The following ANGPT2 variants were observed in gnomAD, a reference collection of about 807,000 sequenced individuals.
ANGPT2 encodes the protein angiopoietin-2.
In ANGPT2, 28 loss-of-function variants were observed where a neutral mutation model predicts 62.9. The observed-to-expected ratio is 0.44, with a 90% CI of 0.33 to 0.61. ANGPT2 has a LOEUF of 0.61. Among genes scored for constraint, ANGPT2 ranks in the 20% least tolerant of loss-of-function variants. The pLI is 0.03. For missense variants in ANGPT2, 727 were observed against 594.9 expected (o/e 1.22, Z -2.31); for synonymous variants, 284 against 207.8 (o/e 1.37, Z -3.15).
At chr8:6,536,470 C>G (rs1368158574) in intron 1 of ANGPT2, among the ~76,000 whole-genome samples, 1 of 152,082 alleles carries the variant, frequency 6.6e-6, no homozygotes, top group African/African-American at 2.4e-5. Context: ...CTTCACAATG[C>G]CTTAAGAAAA....
rs1451385153 is a variant in ANGPT2 at position 6,505,473 on chromosome 8, A to G, written c.1328-2212T>C. Among the ~76,000 whole-genome samples the G allele has an allele frequency of 6.2e-5, 4 of 64,820 alleles. 1 individual carries two copies. The highest frequency in any genetic ancestry group is 1.3e-4 in the Non-Finnish European group (4 of 30,576). 42.5% of individuals were successfully genotyped at this position (64,820 alleles called of 152,430 possible). A position where few individuals can be genotyped will look rare whatever the true frequency, so the allele number is the denominator to read the frequency against. On this transcript the variant is annotated intron_variant, in intron 8 of 8. Coordinates refer to ENST00000629816, the MANE Select transcript of ANGPT2 (RefSeq NM_001118887.2). ...CATATAGAATATATATATTCTTTAC[A>G]TATATAGAATATATATATTCTTTAT...
chr8:6,504,237 G>C (rs11779676), intron 8 of ANGPT2, among the ~76,000 whole-genome samples: 47,069 of 144,592 alleles, frequency 0.33, 7,630 homozygotes, highest in Middle Eastern at 0.47. Context: ...AGAATGGCGT[G>C]AACCCGGGAG....
chr8:6,543,518 C>T (rs1259559438), intron 1 of ANGPT2, among the ~76,000 whole-genome samples: 1 of 152,180 alleles, frequency 6.6e-6, no homozygotes, highest in African/African-American at 2.4e-5. Flanking sequence ...ATCCAGCTCC[C>T]ATCTGCGGAA....
At chr8:6,514,906 G>C in intron 5 of ANGPT2, 128 bp from the exon 6 acceptor site, 2 of 682,066 alleles carry the variant, frequency 2.9e-6, no homozygotes, top group Non-Finnish European at 5.1e-6. Context: ...TATAAGGCAC[G>C]GAGTAGACCA....
At chr8:6,507,992 G>A (rs1412377520) in intron 8 of ANGPT2, 1 of 152,160 alleles carries the variant, frequency 6.6e-6, no homozygotes, top group Non-Finnish European at 1.5e-5. Flanking sequence ...TGGCTTATGA[G>A]TGTGGTTTTC....
At chr8:6,541,937 G>C (rs925749058) in intron 1 of ANGPT2, among the ~76,000 whole-genome samples, 1 of 151,710 alleles carries the variant, frequency 6.6e-6, no homozygotes, top group Non-Finnish European at 1.5e-5. Context: ...GAGCCCAGGA[G>C]GTTGAGGCTG....
intron 1 of ANGPT2, among the ~76,000 whole-genome samples, chr8:6,536,349 C>T (rs540154282): frequency 6.6e-6 from 1 of 152,228 alleles, no homozygotes; most frequent in African/African-American, 2.4e-5. Flanking sequence ...ACTGGAATGA[C>T]CCTCAGCAAA....
At position 6,526,915 on chromosome 8, in the gene ANGPT2, A is replaced by T. The variant is rs1296970950; in HGVS notation, c.566+640T>A. ...CTATTGTTGATCTTGAGATTTTTCTATATTTTATTTAAATATTAATATAAT... is the reference window on the plus strand; with the variant it reads ...CTATTGTTGATCTTGAGATTTTTCTTTATTTTATTTAAATATTAATATAAT... On this transcript the variant is annotated intron_variant, in intron 3 of 8. Coordinates refer to ENST00000629816, the MANE Select transcript of ANGPT2 (RefSeq NM_001118887.2). 3.3e-5 allele frequency among the ~76,000 whole-genome samples: 5 copies of T among 152,216 alleles called. 1 individual carries two copies. In the South Asian group the frequency reaches 6.2e-4, roughly 19 times the overall value.
chr8:6,527,472 C>T, intron 3 of ANGPT2, 83 bp downstream of exon 3: 3 of 1,511,236 alleles, frequency 2.0e-6, no homozygotes, highest in Non-Finnish European at 2.7e-6. Flanking sequence ...ACTCACCATT[C>T]TGATAATTCA....
intron 7 of ANGPT2, among the ~76,000 whole-genome samples, chr8:6,511,416 G>C (rs563992821): frequency 1.4e-4 from 21 of 152,208 alleles, no homozygotes; most frequent in African/African-American, 5.1e-4. Flanking sequence ...TGTGTGAAAA[G>C]TGATGAATTT....
intron 2 of ANGPT2, among the ~76,000 whole-genome samples, chr8:6,529,787 T>C (rs2442607): frequency 0.19 from 28,205 of 151,704 alleles, 3,306 homozygotes; most frequent in African/African-American, 0.33. Context: ...TTCATGTGTT[T>C]AATTGGGCTT....
intron 1 of ANGPT2, among the ~76,000 whole-genome samples, chr8:6,547,768 A>G (rs542414583): frequency 1.3e-5 from 2 of 152,292 alleles, no homozygotes; most frequent in South Asian, 2.1e-4. Flanking sequence ...GGTGGGAACA[A>G]AAGCTCCCAT....
chr8:6,519,144 C>A (rs912690796), intron 5 of ANGPT2, among the ~76,000 whole-genome samples: 1 of 152,194 alleles, frequency 6.6e-6, no homozygotes, highest in Non-Finnish European at 1.5e-5. Flanking sequence ...TGTTTCGAGT[C>A]TTCCAGACTG....
chr8:6,561,088 G>C (rs1340782583), intron 1 of ANGPT2, among the ~76,000 whole-genome samples: 1 of 152,168 alleles, frequency 6.6e-6, no homozygotes, highest in Non-Finnish European at 1.5e-5. Flanking sequence ...CAGATATTTA[G>C]GATATAGTTT....
At chr8:6,542,996 G>T (rs1006416733) in intron 1 of ANGPT2, among the ~76,000 whole-genome samples, 3 of 152,172 alleles carry the variant, frequency 2.0e-5, no homozygotes, top group Non-Finnish European at 4.4e-5. Context: ...TTTTAAAAAG[G>T]GAGAGGAGCG....
At position 6,555,104 on chromosome 8, in the gene ANGPT2, C is replaced by A. The variant is rs2515501; in HGVS notation, c.288+7543G>T. Among the ~76,000 whole-genome samples the A allele has an allele frequency of 1.7e-4, 26 of 152,010 alleles. 1 individual carries two copies. The highest frequency in any genetic ancestry group is 6.0e-4 in the African/African-American group (25 of 41,388). On this transcript the variant is annotated intron_variant, in intron 1 of 8. Transcript: ENST00000629816. ...TCATACTGGTATTCTAAACCACTAC[C>A]CATGATTTTTTTTACTCTTTTTATT...
chr8:6,504,596 G>A (rs964435002), intron 8 of ANGPT2, among the ~76,000 whole-genome samples: 1 of 152,106 alleles, frequency 6.6e-6, no homozygotes, highest in Non-Finnish European at 1.5e-5. Context: ...TGGCAATTCA[G>A]ATATGTCAAA....
intron 8 of ANGPT2, among the ~76,000 whole-genome samples, chr8:6,506,534 A>T (rs1813765766): frequency 6.6e-6 from 1 of 152,156 alleles, no homozygotes; most frequent in Non-Finnish European, 1.5e-5. Flanking sequence ...TCAAGGAGAG[A>T]GCTGGGTCCA....
chr8:6,549,486 AGG>A (rs1192006247), intron 1 of ANGPT2, among the ~76,000 whole-genome samples: 1 of 152,224 alleles, frequency 6.6e-6, no homozygotes, highest in Non-Finnish European at 1.5e-5. Flanking sequence ...AGCCACGTGC[AGG>A]GTGGGAAGCC....
Sources: allele counts gnomAD v4.1 joint callset (sites outside exome capture counted in the v4.1 genomes callset), GRCh38; gene constraint gnomAD v4.1.1; transcripts MANE v1.5; gene names NCBI Gene and HGNC (gene_info 2026-07-23, HGNC 2026-07-21).